The following TENM2 variants were observed in gnomAD, a reference collection of about 807,000 sequenced individuals.
TENM2 encodes teneurin-2.
A neutral mutation model predicts 245.2 loss-of-function variants in TENM2; 52 were observed. The observed-to-expected ratio is 0.21, with a 90% CI of 0.17 to 0.27. TENM2 has a LOEUF of 0.27. Among genes scored for constraint, TENM2 ranks in the 10% least tolerant of loss-of-function variants. The pLI, the probability that TENM2 is intolerant of heterozygous loss-of-function variation, is 1.00. For synonymous variants in TENM2, 1,363 were observed against 1,438.9 expected, an observed-to-expected ratio of 0.95 and a Z score of 1.19; for missense variants, 3,046 against 3,666.8, an observed-to-expected ratio of 0.83 and a Z score of 4.37.
chr5:167,459,330 C>A (rs757576271), intron 2 of TENM2, among the ~76,000 whole-genome samples: 11 of 152,172 alleles, frequency 7.2e-5, no homozygotes, highest in Non-Finnish European at 1.5e-4. Context: ...GATTTCCTTC[C>A]TTTTGAAGGC....
At position 168,219,824 on chromosome 5, in the gene TENM2, CAAAAAAAAA is replaced by C. The variant is rs70976468; in HGVS notation, c.5108+842_5108+850del. On this transcript the variant is annotated intron_variant, in intron 23 of 28. Transcript: ENST00000518659. Reference sequence around the variant, plus strand: ...GTTAAGTTAGGGAGAGTTGGCACAGCAAAAAAAAAAAAAAAAAAAAAAAAAGCGGGGGAC... The same window carrying C: ...GTTAAGTTAGGGAGAGTTGGCACAGCAAAAAAAAAAAAAAAAGCGGGGGAC... Among the ~76,000 whole-genome samples the C allele has an allele frequency of 1.6e-3, 80 of 49,822 alleles. 2 individuals are homozygous for C. In the East Asian group the frequency reaches 0.041, roughly 25 times the overall value. 32.7% of individuals were successfully genotyped at this position (49,822 alleles called of 152,430 possible).
chr5:167,822,712 A>G (rs1767633573), intron 2 of TENM2, among the ~76,000 whole-genome samples: 1 of 152,086 alleles, frequency 6.6e-6, no homozygotes, highest in East Asian at 1.9e-4. Context: ...TAAAAGAAGG[A>G]GAAGCAAAGA....
At chr5:167,750,040 C>A (rs1272986346) in intron 2 of TENM2, among the ~76,000 whole-genome samples, 1 of 152,030 alleles carries the variant, frequency 6.6e-6, no homozygotes, top group Non-Finnish European at 1.5e-5. Flanking sequence ...ATGATTTTTT[C>A]AAGGTTAGAA....
At chr5:167,846,127 G>C (rs1460685490) in intron 2 of TENM2, among the ~76,000 whole-genome samples, 2 of 152,174 alleles carry the variant, frequency 1.3e-5, no homozygotes, top group African/African-American at 4.8e-5. Context: ...CCCTTTCATA[G>C]TAGCTACCAG....
the TENM2 span, among the ~76,000 whole-genome samples, chr5:167,145,741 C>A: frequency 6.6e-6 from 1 of 152,096 alleles, no homozygotes; most frequent in Non-Finnish European, 1.5e-5. Context: ...TCATACAATG[C>A]CAATGGGACT....
chr5:167,175,920 G>A, the TENM2 span, among the ~76,000 whole-genome samples: 20 of 152,122 alleles, frequency 1.3e-4, no homozygotes, highest in Middle Eastern at 3.2e-3. Flanking sequence ...GTATTGGCGA[G>A]GTTGGTCTTG....
At chr5:167,351,861 A>G (rs970997353) in intron 1 of TENM2, among the ~76,000 whole-genome samples, 4 of 152,134 alleles carry the variant, frequency 2.6e-5, no homozygotes, top group Non-Finnish European at 5.9e-5. Context: ...AACAAAAAAA[A>G]AAATAAAACC....
At chr5:167,976,150 CT>C (rs1782428740) in intron 4 of TENM2, among the ~76,000 whole-genome samples, 1 of 151,640 alleles carries the variant, frequency 6.6e-6, no homozygotes, top group Non-Finnish European at 1.5e-5. Context: ...TCCTTCCTTC[CT>C]TCATCCATCT....
rs566136767 is a variant in TENM2, at chr5:168,152,153, G to A, written c.2423-10458G>A. Among the ~76,000 whole-genome samples, 680 of 152,278 alleles carry A rather than the reference G, an allele frequency of 4.5e-3. 3 individuals are homozygous for A. The highest frequency in any genetic ancestry group is 0.016 in the African/African-American group (648 of 41,558). ...TGTACCTACACCGTAGGGTTGTTGC[G>A]ACAATTAAATGAGCTAATGCATGTA... On this transcript the variant is annotated intron_variant, in intron 12 of 28. Coordinates refer to ENST00000518659, the Ensembl canonical transcript of TENM2.
At chr5:167,183,473 G>A in the TENM2 span, among the ~76,000 whole-genome samples, 1 of 152,108 alleles carries the variant, frequency 6.6e-6, no homozygotes, top group Non-Finnish European at 1.5e-5. Flanking sequence ...CCTTGATTTT[G>A]ATAATTTATG....
chr5:167,688,816 C>G (rs1226682508), intron 2 of TENM2, among the ~76,000 whole-genome samples: 2 of 152,196 alleles, frequency 1.3e-5, no homozygotes, highest in Non-Finnish European at 2.9e-5. Context: ...TATTCCACAG[C>G]ATTCTCAGGC....
At chr5:167,312,522 G>A (rs907214334) in intron 1 of TENM2, among the ~76,000 whole-genome samples, 4 of 152,068 alleles carry the variant, frequency 2.6e-5, no homozygotes, top group African/African-American at 2.4e-5. Context: ...TCTCATTTTC[G>A]ATGTATCTGT....
chr5:167,131,574 A>G, the TENM2 span, among the ~76,000 whole-genome samples: 2 of 152,162 alleles, frequency 1.3e-5, no homozygotes, highest in Non-Finnish European at 1.5e-5. Context: ...ACCCCTTTCT[A>G]GTTAATGGAC....
intron 2 of TENM2, among the ~76,000 whole-genome samples, chr5:167,579,154 A>G (rs529507695): frequency 3.2e-4 from 49 of 152,298 alleles, no homozygotes; most frequent in African/African-American, 1.2e-3. Context: ...CACACTTGAC[A>G]TTATCAAACA....
the TENM2 span, among the ~76,000 whole-genome samples, chr5:167,061,759 T>C: frequency 2.4e-4 from 37 of 152,200 alleles, 1 homozygote; most frequent in East Asian, 6.8e-3. Flanking sequence ...AATTCGTGTG[T>C]TAAACGTGTT....
intron 2 of TENM2, among the ~76,000 whole-genome samples, chr5:167,453,125 C>G (rs1053784817): frequency 1.3e-5 from 2 of 150,844 alleles, no homozygotes; most frequent in Non-Finnish European, 3.0e-5. Context: ...GAAAACAGCC[C>G]AGAGAGAGAA....
intron 1 of TENM2, among the ~76,000 whole-genome samples, chr5:167,323,671 T>C (rs62388772): frequency 0.016 from 2,383 of 152,316 alleles, 37 homozygotes; most frequent in Middle Eastern, 0.078. Context: ...GTGAAAATTT[T>C]GATAAATGTT....
the TENM2 span, among the ~76,000 whole-genome samples, chr5:167,070,371 C>A: frequency 1.3e-5 from 2 of 148,710 alleles, no homozygotes; most frequent in African/African-American, 5.0e-5. Flanking sequence ...CCTCATGATC[C>A]CCCCATCTTG....
chr5:167,659,992 A>G (rs1474601970), intron 2 of TENM2: 1 of 152,220 alleles, frequency 6.6e-6, no homozygotes, highest in East Asian at 1.9e-4. Flanking sequence ...AAAATTAACA[A>G]TTAAATGACA....
Sources: gnomAD v4.1 joint callset for allele counts (sites outside exome capture counted in the v4.1 genomes callset) on GRCh38, gnomAD v4.1.1 for gene constraint, MANE v1.5 for transcripts, NCBI Gene and HGNC (gene_info 2026-07-23, HGNC 2026-07-21) for gene names.